MLYCD: variants seen among roughly 807,000 people sequenced by gnomAD.
MLYCD encodes malonyl-CoA decarboxylase.
In MLYCD, 27 loss-of-function variants were observed where a neutral mutation model predicts 35.8. That is an observed-to-expected ratio of 0.75 (90% CI 0.56 to 1.04). MLYCD has a LOEUF of 1.04. Ranked by LOEUF, MLYCD falls within the 50% of genes least tolerant of loss-of-function variation. MLYCD has a pLI of 0.00. For synonymous variants in MLYCD, 403 were observed against 302.4 expected, an observed-to-expected ratio of 1.33 and a Z score of -3.45; for missense variants, 917 against 665.1, an observed-to-expected ratio of 1.38 and a Z score of -4.17.
Position 83,899,450 on chromosome 16 carries a change from G to A in MLYCD, c.306G>A (p.Val102=). 1 of 1,525,196 alleles carries A rather than the reference G, an allele frequency of 6.6e-7. No homozygotes were observed. The highest frequency in any genetic ancestry group is 8.7e-7 in the Non-Finnish European group (1 of 1,146,372). 94.5% of individuals were successfully genotyped at this position (1,525,196 alleles called of 1,614,324 possible). A position where few individuals can be genotyped will look rare whatever the true frequency, so the allele number is the denominator to read the frequency against. The change falls in exon 1 of 5, where the codon GTG becomes GTA. Residue 102 remains valine, a synonymous_variant. Transcript: ENST00000262430. ...ARGFGVDHGQ[V]AEQSAGVLHL... Reference sequence around the variant, plus strand: ...GCTTCGGCGTGGACCACGGCCAGGTGGCGGAGCAGAGCGCCGGCGTGCTCC... The same window carrying A: ...GCTTCGGCGTGGACCACGGCCAGGTAGCGGAGCAGAGCGCCGGCGTGCTCC...
Position 83,915,118 on chromosome 16 carries a change from A to G in MLYCD, c.1111A>G (p.Ile371Val). The G allele has an allele frequency of 6.2e-7, 1 of 1,614,268 alleles. No individual in the cohort carries two copies. Among genetic ancestry groups the G allele is most frequent in the Non-Finnish European group, 8.5e-7 (1 of 1,180,048 alleles). Residue 371 changes from isoleucine (I) to valine (V), a missense_variant, in exon 5 of 5, where the codon ATT becomes GTT. Transcript: ENST00000262430. ...AATCTCGGAGATCACAGGTGGCCCC[A>G]TTAACGAGACCCTCAAGCTCCTCCT... ...KEISEITGGPINETLKLLLSS... is the reference protein window; with the variant it reads ...KEISEITGGPVNETLKLLLSS...
chr16:83,902,293 G>T (rs1287646537), intron 1 of MLYCD, among the ~76,000 whole-genome samples: 3 of 148,026 alleles, frequency 2.0e-5, no homozygotes, highest in African/African-American at 5.0e-5. Flanking sequence ...TGAACTCCTG[G>T]CCTCAAGCAA....
intron 4 of MLYCD, chr16:83,914,367 C>CGAGCAGCA (rs1277136633): frequency 5.7e-6 from 1 of 176,622 alleles, no homozygotes. Context: ...ACTCGTGTGC[C>CGAGCAGCA]GAGCAGCAGA....
chr16:83,905,700 A>C (rs1906949943), intron 1 of MLYCD, among the ~76,000 whole-genome samples: 1 of 152,230 alleles, frequency 6.6e-6, no homozygotes, highest in African/African-American at 2.4e-5. Context: ...TGGCTGCAGG[A>C]GACCTCTGCT....
In MLYCD at chr16:83,907,127, G is replaced by A. The variant is rs79908575; in HGVS notation, c.641+28G>A. ...AAGTATTACGGTTTTCATTTTCTTT[G>A]TACATACATTTTTCATATATATTTG... On this transcript the variant is annotated intron_variant, in intron 2 of 4. Coordinates refer to ENST00000262430, the MANE Select transcript of MLYCD (RefSeq NM_012213.3). 1.9e-6 allele frequency: 3 copies of A among 1,543,874 alleles called. No individual in the cohort carries two copies. In the African/African-American group the frequency reaches 4.1e-5, roughly 21 times the overall value.
chr16:83,912,028 C>G lies in MLYCD; in HGVS notation c.799-190C>G, dbSNP rs1907196566. On this transcript the variant is annotated intron_variant, in intron 3 of 4. Transcript: ENST00000262430. ...AGGACCCCCAGGCACGCGGTGGAGT[C>G]GCCTCCTCCAGAGAGTTTTCAAAAC... 8 of 738,002 alleles carry G rather than the reference C, an allele frequency of 1.1e-5. No homozygotes were observed. In the South Asian group the frequency reaches 1.3e-4, roughly 12 times the overall value. The allele number at this position is 738,002 out of a possible 1,614,324, so 45.7% of individuals were successfully genotyped here.
At chr16:83,909,880 G>A (rs551321996) in intron 3 of MLYCD, among the ~76,000 whole-genome samples, 18 of 151,368 alleles carry the variant, frequency 1.2e-4, no homozygotes, top group South Asian at 4.2e-4. Context: ...TGATCTGCCC[G>A]CCGCGGCTTC....
chr16:83,899,533 G>C lies in MLYCD; in HGVS notation c.389G>C (p.Arg130Pro), dbSNP rs777027428. Residue 130 changes from arginine to proline, a missense_variant, in exon 1 of 5, where the codon CGC becomes CCC. Physicochemically the swap from Arg to Pro is moderately radical, Grantham distance 103. Coordinates refer to ENST00000262430, the MANE Select transcript of MLYCD (RefSeq NM_012213.3). ...AVLLQAEDRL[R>P]YALVPRYRGL... ...CTGCTGCAGGCCGAGGACCGGCTGCGCTACGCGCTGGTGCCGCGCTATCGC... is the reference window on the plus strand; with the variant it reads ...CTGCTGCAGGCCGAGGACCGGCTGCCCTACGCGCTGGTGCCGCGCTATCGC... 1 of 1,590,744 alleles carries C rather than the reference G, an allele frequency of 6.3e-7. No homozygotes were observed.
At chr16:83,908,377 T>C (rs946271152) in intron 3 of MLYCD, 95 bp downstream of exon 3, 140 of 999,238 alleles carry the variant, frequency 1.4e-4, no homozygotes, top group Middle Eastern at 3.5e-4. Flanking sequence ...TTATCCTCCT[T>C]TTTTTTTTTT....
chr16:83,915,840 G>A lies in MLYCD; in HGVS notation c.*351G>A. 1 of 1,218,962 alleles carries A rather than the reference G, an allele frequency of 8.2e-7. No homozygotes were observed. Among genetic ancestry groups the A allele is most frequent in the Admixed American group, 3.6e-5 (1 of 27,944 alleles). The allele number at this position is 1,218,962 out of a possible 1,614,324, so 75.5% of individuals were successfully genotyped here. ...AGCCTCTGCCATTGCCATCCCAGGGGGATCTGGCATCCTCCTAAGGACCGG... is the reference window on the plus strand; with the variant it reads ...AGCCTCTGCCATTGCCATCCCAGGGAGATCTGGCATCCTCCTAAGGACCGG... On this transcript the variant is annotated 3_prime_UTR_variant, in exon 5 of 5. Transcript: ENST00000262430.
Position 83,908,299 on chromosome 16 carries a change from A to T in MLYCD, c.798+17A>T. On this transcript the variant is annotated intron_variant, in intron 3 of 4. Coordinates refer to ENST00000262430, the MANE Select transcript of MLYCD (RefSeq NM_012213.3). ...AACATCCAGGTACCTGCGATGGTCA[A>T]TTCGGGACAAGATGGGCACCCCATA... 6.2e-7 allele frequency: 1 copy of T among 1,613,290 alleles called. No homozygotes were observed. The highest frequency in any genetic ancestry group is 8.5e-7 in the Non-Finnish European group (1 of 1,179,962).
intron 3 of MLYCD, among the ~76,000 whole-genome samples, chr16:83,911,094 A>G (rs372937417): frequency 3.9e-4 from 60 of 152,144 alleles, no homozygotes; most frequent in African/African-American, 1.3e-3. Context: ...CTCCTGCCTC[A>G]GCCTCCGTAG....
rs1472786156 is a variant in MLYCD, at chr16:83,920,085, ACAC to A, written c.*4597_*4599del. The A allele has an allele frequency of 2.0e-5, 3 of 152,262 alleles. No individual in the cohort carries two copies. Among genetic ancestry groups the A allele is most frequent in the Admixed American group, 6.6e-5 (1 of 15,264 alleles). The allele number at this position is 152,262 out of a possible 1,614,324, so 9.4% of individuals were successfully genotyped here. On this transcript the variant is annotated 3_prime_UTR_variant, in exon 5 of 5. Coordinates refer to ENST00000262430, the MANE Select transcript of MLYCD (RefSeq NM_012213.3). ...TGCACAGGAGAACAGAGTGCACAGAACACAGTCCACAGGACAGCACACGGTACA... is the reference window on the plus strand; with the variant it reads ...TGCACAGGAGAACAGAGTGCACAGAAAGTCCACAGGACAGCACACGGTACA...
rs1464414186 is a variant in MLYCD, at chr16:83,924,486, C to CA, written c.*8998dup. ...GGCTTGAACCCCCGGCTTGTTCTCT[C>CA]ACGTCTGTTGCCGTAAATCTGTCTC... On this transcript the variant is annotated 3_prime_UTR_variant, in exon 5 of 5. Coordinates refer to ENST00000262430, the MANE Select transcript of MLYCD (RefSeq NM_012213.3). The CA allele has an allele frequency of 6.6e-6, 1 of 152,202 alleles. No individual in the cohort carries two copies. Among genetic ancestry groups the CA allele is most frequent in the African/African-American group, 2.4e-5 (1 of 41,462 alleles). 9.4% of individuals were successfully genotyped at this position (152,202 alleles called of 1,614,324 possible).
Position 83,920,143 on chromosome 16 carries a change from C to G in MLYCD, c.*4654C>G, listed in dbSNP as rs543280399. 6.6e-6 allele frequency: 1 copy of G among 152,348 alleles called. No homozygotes were observed. Among genetic ancestry groups the G allele is most frequent in the Admixed American group, 6.5e-5 (1 of 15,300 alleles). 9.4% of individuals were successfully genotyped at this position (152,348 alleles called of 1,614,324 possible). A position where few individuals can be genotyped will look rare whatever the true frequency, so the allele number is the denominator to read the frequency against. On this transcript the variant is annotated 3_prime_UTR_variant, in exon 5 of 5. Coordinates refer to ENST00000262430, the MANE Select transcript of MLYCD (RefSeq NM_012213.3). ...AGAACACCCGCAGTGCACAGGAGAA[C>G]CTAGTGCACAGAACACACACCCTGT...
chr16:83,912,334 A>G lies in MLYCD; in HGVS notation c.915A>G (p.Thr305=). The change falls in exon 4 of 5, where the codon ACA becomes ACG. Residue 305 remains threonine, a synonymous_variant. Coordinates refer to ENST00000262430, the MANE Select transcript of MLYCD (RefSeq NM_012213.3). ...QQGLQGVELG[T]FLIKRVVKEL... is the part of the protein sequence containing the mutation. ...GACTCCAAGGGGTGGAGCTGGGAACATTCCTCATAAAGCGAGTCGTCAAGG... is the reference window on the plus strand; with the variant it reads ...GACTCCAAGGGGTGGAGCTGGGAACGTTCCTCATAAAGCGAGTCGTCAAGG... 6.2e-7 allele frequency: 1 copy of G among 1,614,182 alleles called. No individual in the cohort carries two copies. The highest frequency in any genetic ancestry group is 1.7e-5 in the Admixed American group (1 of 60,020).
chr16:83,908,311 A>G (rs201525145), intron 3 of MLYCD, 29 bp downstream of exon 3: 6 of 1,612,346 alleles, frequency 3.7e-6, no homozygotes, highest in Non-Finnish European at 5.1e-6. Context: ...TCGGGACAAG[A>G]TGGGCACCCC....
chr16:83,904,961 C>A (rs1471702343), intron 1 of MLYCD, among the ~76,000 whole-genome samples: 1 of 152,208 alleles, frequency 6.6e-6, no homozygotes, highest in African/African-American at 2.4e-5. Context: ...CTCTTTCGTG[C>A]CCTAGTGCTT....
chr16:83,907,182 C>A, intron 2 of MLYCD, 83 bp downstream of exon 2: 2 of 1,173,042 alleles, frequency 1.7e-6, no homozygotes, highest in Non-Finnish European at 2.5e-6. Context: ...AAAAGCTAAT[C>A]TATCTCCATT....
Sources: gnomAD v4.1 joint callset for allele counts (sites outside exome capture counted in the v4.1 genomes callset) on GRCh38, gnomAD v4.1.1 for gene constraint, MANE v1.5 for transcripts, NCBI Gene and HGNC (gene_info 2026-07-23, HGNC 2026-07-21) for gene names.